Variants in ASIC2 observed in about 807,000 individuals in gnomAD.
The protein encoded by ASIC2 is acid sensing ion channel subunit 2, also known as acid-sensing ion channel 2.
ASIC2 carries 25 observed loss-of-function variants against 57.3 expected under a neutral mutation model. The ratio of observed to expected loss-of-function variants is 0.44; its 90% CI spans 0.32 to 0.61. The LOEUF is 0.61. ASIC2 is among the 20% of genes least tolerant of loss of function. The pLI, the probability that ASIC2 is intolerant of heterozygous loss-of-function variation, is 0.06. For synonymous variants in ASIC2, 319 were observed against 307.5 expected, an observed-to-expected ratio of 1.04 and a Z score of -0.39; for missense variants, 641 against 738.1, an observed-to-expected ratio of 0.87 and a Z score of 1.52.
At chr17:33,214,168 C>A (rs2142091113) in intron 1 of ASIC2, among the ~76,000 whole-genome samples, 1 of 152,314 alleles carries the variant, frequency 6.6e-6, no homozygotes, top group Non-Finnish European at 1.5e-5. Context: ...CCCTGGCTCC[C>A]ATCTGAGGCC....
Position 33,905,821 on chromosome 17 carries a change from G to GT in ASIC2, c.555+250156dup, listed in dbSNP as rs1030406002. On this transcript the variant is annotated intron_variant, in intron 1 of 9. Transcript: ENST00000359872. ...GCAGGCTGAAGTTCTTTTTTTGTTTGTTTTTTTGCATCAGGTTCTTGGTTC... is the reference window on the plus strand; with the variant it reads ...GCAGGCTGAAGTTCTTTTTTTGTTTGTTTTTTTTGCATCAGGTTCTTGGTTC... Among the ~76,000 whole-genome samples, 8 of 151,892 alleles carry GT rather than the reference G, an allele frequency of 5.3e-5. No individual in the cohort carries two copies. The South Asian group carries it at 1.3e-3, about 24-fold the overall frequency.
At chr17:33,078,814 G>A (rs1342694354) in intron 3 of ASIC2, among the ~76,000 whole-genome samples, 4 of 152,226 alleles carry the variant, frequency 2.6e-5, no homozygotes, top group Admixed American at 6.5e-5. Flanking sequence ...AACCAGGCTA[G>A]TCTTGTCCAC....
chr17:33,040,641 T>A (rs1479467744), intron 3 of ASIC2, among the ~76,000 whole-genome samples: 5 of 152,182 alleles, frequency 3.3e-5, no homozygotes, highest in African/African-American at 1.2e-4. Flanking sequence ...GAGAAACCGA[T>A]CAAGACGAGG....
At chr17:33,833,589 G>A (rs1193430820) in intron 1 of ASIC2, among the ~76,000 whole-genome samples, 1 of 151,952 alleles carries the variant, frequency 6.6e-6, no homozygotes, top group Non-Finnish European at 1.5e-5. Flanking sequence ...TGGAGCAGAA[G>A]GAATTGTGTA....
chr17:33,216,738 G>T (rs1204642763), intron 1 of ASIC2, among the ~76,000 whole-genome samples: 1 of 152,198 alleles, frequency 6.6e-6, no homozygotes, highest in Non-Finnish European at 1.5e-5. Context: ...TTTGAAAGGT[G>T]ATGGGGAGCC....
intron 1 of ASIC2, among the ~76,000 whole-genome samples, chr17:33,663,772 G>C (rs1380490466): frequency 6.6e-6 from 1 of 152,140 alleles, no homozygotes; most frequent in Non-Finnish European, 1.5e-5. Flanking sequence ...ATCAGCAACT[G>C]TGATTGCTGT....
chr17:33,038,795 G>T (rs561919290), intron 3 of ASIC2, among the ~76,000 whole-genome samples: 1 of 152,316 alleles, frequency 6.6e-6, no homozygotes, highest in South Asian at 2.1e-4. Flanking sequence ...TCCTTATGTT[G>T]TTCTTCAATC....
chr17:33,014,875 G>A (rs573929130), intron 9 of ASIC2, among the ~76,000 whole-genome samples: 1 of 152,268 alleles, frequency 6.6e-6, no homozygotes, highest in South Asian at 2.1e-4. Context: ...CTGCTTTGCC[G>A]GCAGGATCTC....
intron 1 of ASIC2, among the ~76,000 whole-genome samples, chr17:33,387,981 G>C (rs1012747455): frequency 6.6e-6 from 1 of 152,124 alleles, no homozygotes; most frequent in Non-Finnish European, 1.5e-5. Context: ...TCAGGAGGGA[G>C]AGGCAGGAGA....
intron 1 of ASIC2, among the ~76,000 whole-genome samples, chr17:33,645,021 G>A (rs568939731): frequency 3.9e-5 from 6 of 152,276 alleles, no homozygotes; most frequent in African/African-American, 1.2e-4. Context: ...GATTAGCCAC[G>A]TGAAACATTA....
chr17:33,725,341 A>G (rs1909513317), intron 1 of ASIC2, among the ~76,000 whole-genome samples: 1 of 152,216 alleles, frequency 6.6e-6, no homozygotes, highest in Non-Finnish European at 1.5e-5. Flanking sequence ...AACATTAAAT[A>G]TTTAGGTCTC....
intron 1 of ASIC2, among the ~76,000 whole-genome samples, chr17:33,871,354 TAAAGCTAACTA>T (rs1914401758): frequency 6.6e-6 from 1 of 152,066 alleles, no homozygotes; most frequent in Admixed American, 6.5e-5. Flanking sequence ...ATAACACACA[TAAAGCTAACTA>T]CCTGCGGCAA....
At chr17:33,683,909 A>G (rs1009069704) in intron 1 of ASIC2, among the ~76,000 whole-genome samples, 1 of 152,214 alleles carries the variant, frequency 6.6e-6, no homozygotes, top group African/African-American at 2.4e-5. Flanking sequence ...CATCTGTAAC[A>G]ACCCTATCTA....
intron 1 of ASIC2, among the ~76,000 whole-genome samples, chr17:33,673,454 A>G (rs1007100556): frequency 6.6e-6 from 1 of 152,200 alleles, no homozygotes; most frequent in African/African-American, 2.4e-5. Context: ...AAAGTCATAT[A>G]ATATCAGAGC....
chr17:33,809,990 T>C (rs1401769529), intron 1 of ASIC2, among the ~76,000 whole-genome samples: 1 of 152,224 alleles, frequency 6.6e-6, no homozygotes, highest in Non-Finnish European at 1.5e-5. Context: ...GCTGATCTCA[T>C]ACTTTCAGGG....
chr17:34,031,669 G>T (rs1324966231), intron 1 of ASIC2, among the ~76,000 whole-genome samples: 1 of 152,200 alleles, frequency 6.6e-6, no homozygotes, highest in Non-Finnish European at 1.5e-5. Flanking sequence ...GTCCTTAAGG[G>T]ACCTAATGGA....
In ASIC2 at chr17:34,081,727, T is replaced by C. The variant is rs189342001; in HGVS notation, c.555+74251A>G. Among the ~76,000 whole-genome samples the C allele has an allele frequency of 4.6e-5, 7 of 152,336 alleles. No individual in the cohort carries two copies. In the East Asian group the frequency reaches 1.3e-3, roughly 29 times the overall value. On this transcript the variant is annotated intron_variant, in intron 1 of 9. Transcript: ENST00000359872. ...AAATTTTACCCTCTCTTCTCAAAAC[T>C]TCTTCTGTCTTAACACTCCTGCTAC...
At chr17:33,427,459 T>G (rs1422438224) in intron 1 of ASIC2, among the ~76,000 whole-genome samples, 1 of 152,216 alleles carries the variant, frequency 6.6e-6, no homozygotes, top group Non-Finnish European at 1.5e-5. Context: ...AAGTCTTGCC[T>G]GCTTCGGAAT....
chr17:33,671,866 A>G (rs1907649414), intron 1 of ASIC2, among the ~76,000 whole-genome samples: 1 of 152,186 alleles, frequency 6.6e-6, no homozygotes, highest in South Asian at 2.1e-4. Context: ...ATGAAACAGA[A>G]GTCAGGCTTG....
Sources: gnomAD v4.1 joint callset for allele counts (sites outside exome capture counted in the v4.1 genomes callset) on GRCh38, gnomAD v4.1.1 for gene constraint, MANE v1.5 for transcripts, NCBI Gene and HGNC (gene_info 2026-07-23, HGNC 2026-07-21) for gene names.